The following ERBB4 variants were observed in gnomAD, a reference collection of about 807,000 sequenced individuals.
The protein encoded by ERBB4 is erb-b2 receptor tyrosine kinase 4.
ERBB4 carries 42 observed loss-of-function variants against 158.0 expected under a neutral mutation model. That is an observed-to-expected ratio of 0.27 (90% CI 0.21 to 0.34). The LOEUF is 0.34. ERBB4 is among the 10% of genes least tolerant of loss of function. The pLI is 1.00. For synonymous variants in ERBB4, 583 were observed against 558.7 expected (o/e 1.04, Z -0.61); for missense variants, 1,333 against 1,624.1 (o/e 0.82, Z 3.08).
intron 1 of ERBB4, among the ~76,000 whole-genome samples, chr2:212,416,402 C>A (rs868605567): frequency 4.6e-5 from 7 of 152,036 alleles, no homozygotes; most frequent in Admixed American, 2.0e-4. Flanking sequence ...CCCACTGGAG[C>A]CTTGTGAAAA....
At chr2:212,116,243 A>G (rs1250935194) in intron 2 of ERBB4, among the ~76,000 whole-genome samples, 4 of 151,668 alleles carry the variant, frequency 2.6e-5, no homozygotes, top group Admixed American at 1.3e-4. Context: ...ATATCTTTAT[A>G]TATATTAGAT....
At chr2:211,831,644 G>A (rs2077222002) in intron 3 of ERBB4, among the ~76,000 whole-genome samples, 1 of 152,108 alleles carries the variant, frequency 6.6e-6, no homozygotes, top group East Asian at 1.9e-4. Context: ...ATTAATACCT[G>A]TAATCCCAGC....
At chr2:212,518,465 G>T (rs1691961954) in intron 1 of ERBB4, among the ~76,000 whole-genome samples, 3 of 151,884 alleles carry the variant, frequency 2.0e-5, no homozygotes, top group Non-Finnish European at 2.9e-5. Context: ...TAACGTCAGG[G>T]TTATTAAATA....
At chr2:212,217,595 A>G (rs2083142304) in intron 1 of ERBB4, among the ~76,000 whole-genome samples, 2 of 151,220 alleles carry the variant, frequency 1.3e-5, no homozygotes, top group African/African-American at 4.8e-5. Context: ...CAGTTTCCAA[A>G]GGAAAAAGAA....
At chr2:211,752,298 G>A (rs563309801) in intron 4 of ERBB4, among the ~76,000 whole-genome samples, 1 of 152,162 alleles carries the variant, frequency 6.6e-6, no homozygotes, top group East Asian at 1.9e-4. Context: ...ACTTTTTTAT[G>A]AGAAAGTAGC....
At chr2:211,395,805 T>C (rs573688948) in intron 25 of ERBB4, among the ~76,000 whole-genome samples, 3 of 152,190 alleles carry the variant, frequency 2.0e-5, no homozygotes, top group African/African-American at 7.2e-5. Flanking sequence ...ACTCTACCTA[T>C]AAAAGCCAGT....
At chr2:212,208,718 A>C (rs1444926368) in intron 1 of ERBB4, among the ~76,000 whole-genome samples, 3 of 152,178 alleles carry the variant, frequency 2.0e-5, no homozygotes, top group Admixed American at 6.5e-5. Flanking sequence ...AGAAACTGCC[A>C]AAGGATGCCA....
At chr2:211,597,733 T>A (rs1163283191) in intron 19 of ERBB4, among the ~76,000 whole-genome samples, 1 of 152,188 alleles carries the variant, frequency 6.6e-6, no homozygotes, top group East Asian at 1.9e-4. Flanking sequence ...ATCAAGTCAC[T>A]ACTTCACAAT....
chr2:211,530,437 A>G (rs539303880), intron 20 of ERBB4, among the ~76,000 whole-genome samples: 3 of 152,270 alleles, frequency 2.0e-5, no homozygotes, highest in African/African-American at 7.2e-5. Flanking sequence ...AGCAACCTAC[A>G]GATTCAATGC....
intron 1 of ERBB4, among the ~76,000 whole-genome samples, chr2:212,305,745 CAAATA>C (rs1212335391): frequency 6.6e-6 from 1 of 151,234 alleles, no homozygotes; most frequent in Non-Finnish European, 1.5e-5. Context: ...AAAGTAAATA[CAAATA>C]AAACAGAAAC....
chr2:212,077,673 C>A (rs2078313202), intron 2 of ERBB4, among the ~76,000 whole-genome samples: 1 of 151,864 alleles, frequency 6.6e-6, no homozygotes. Context: ...AAGCAGGGGA[C>A]TTAAGAGAAG....
chr2:211,499,591 T>A (rs984911202), intron 20 of ERBB4, among the ~76,000 whole-genome samples: 6 of 152,042 alleles, frequency 3.9e-5, no homozygotes, highest in Non-Finnish European at 8.8e-5. Context: ...AGATCTTAAA[T>A]ACTGTACACA....
At chr2:212,291,897 A>C (rs2086220653) in intron 1 of ERBB4, among the ~76,000 whole-genome samples, 1 of 152,032 alleles carries the variant, frequency 6.6e-6, no homozygotes, top group South Asian at 2.1e-4. Context: ...AATTGTAGGG[A>C]AGAAAAGAAA....
intron 1 of ERBB4, among the ~76,000 whole-genome samples, chr2:212,128,532 G>A (rs549054088): frequency 6.6e-6 from 1 of 152,234 alleles, no homozygotes; most frequent in South Asian, 2.1e-4. Flanking sequence ...TGAGCTAAAA[G>A]GAAGTAGGAT....
At chr2:211,761,434 G>A (rs1372391162) in intron 4 of ERBB4, among the ~76,000 whole-genome samples, 1 of 151,938 alleles carries the variant, frequency 6.6e-6, no homozygotes, top group Non-Finnish European at 1.5e-5. Context: ...TTTAATCAGC[G>A]ACATCCATCT....
intron 2 of ERBB4, among the ~76,000 whole-genome samples, chr2:212,011,281 C>T (rs951146448): frequency 1.3e-5 from 2 of 152,118 alleles, no homozygotes; most frequent in African/African-American, 4.8e-5. Context: ...GCTGGTCCCT[C>T]CGTTTGGGGG....
intron 1 of ERBB4, among the ~76,000 whole-genome samples, chr2:212,440,880 T>C (rs1244045230): frequency 1.3e-5 from 2 of 152,014 alleles, no homozygotes; most frequent in African/African-American, 4.8e-5. Context: ...GTGGACAAAG[T>C]GATGAAAGAA....
At chr2:211,973,205 CT>C (rs746336887) in intron 2 of ERBB4, among the ~76,000 whole-genome samples, 1 of 91,014 alleles carries the variant, frequency 1.1e-5, no homozygotes, top group Non-Finnish European at 3.1e-5. Flanking sequence ...AGAGAAATTC[CT>C]TTTTTTCTTT....
At chr2:211,972,814 C>T (rs1158736722) in intron 2 of ERBB4, among the ~76,000 whole-genome samples, 2 of 152,048 alleles carry the variant, frequency 1.3e-5, no homozygotes, top group African/African-American at 2.4e-5. Flanking sequence ...GGAAGACAAC[C>T]TAGGCAATAC....
Sources: allele counts gnomAD v4.1 joint callset (sites outside exome capture counted in the v4.1 genomes callset), GRCh38; gene constraint gnomAD v4.1.1; transcripts MANE v1.5; gene names NCBI Gene and HGNC (gene_info 2026-07-23, HGNC 2026-07-21).